The following ODAD4 variants were observed in gnomAD, a reference collection of about 807,000 sequenced individuals.
The protein encoded by ODAD4 is outer dynein arm docking complex subunit 4.
Under a neutral mutation model 51.8 loss-of-function variants are expected in ODAD4, and 49 were observed. The observed-to-expected ratio is 0.95, with a 90% CI of 0.75 to 1.20. ODAD4 has a LOEUF of 1.20. Among genes scored for constraint, ODAD4 ranks in the 50% most tolerant of loss-of-function variants. The pLI is 0.00. For missense variants in ODAD4, 590 were observed against 586.5 expected, an observed-to-expected ratio of 1.01 and a Z score of -0.06; for synonymous variants, 235 against 221.3, an observed-to-expected ratio of 1.06 and a Z score of -0.55.
intron 9 of ODAD4, among the ~76,000 whole-genome samples, chr17:41,953,450 A>T (rs1426136320): frequency 6.6e-6 from 1 of 152,060 alleles, no homozygotes; most frequent in Non-Finnish European, 1.5e-5. Flanking sequence ...TAGATCTTGG[A>T]TATACTCAAT....
At chr17:41,935,140 G>A in intron 1 of ODAD4, 77 bp from the exon 2 acceptor site, 1 of 1,578,898 alleles carries the variant, frequency 6.3e-7, no homozygotes, top group Non-Finnish European at 8.6e-7. Context: ...CTGCAGGAGG[G>A]TTTGGGCTGC....
chr17:41,944,421 CACACACACACACACACA>C (rs1567932925), intron 7 of ODAD4, among the ~76,000 whole-genome samples: 9 of 14,262 alleles, frequency 6.3e-4, no homozygotes, highest in African/African-American at 1.1e-3. Flanking sequence ...CACACACACA[CACACACACACACACACA>C]CACACACCCC....
At chr17:41,933,606 C>T (rs920683907) in intron 1 of ODAD4, among the ~76,000 whole-genome samples, 2 of 152,030 alleles carry the variant, frequency 1.3e-5, no homozygotes, top group African/African-American at 4.8e-5. Flanking sequence ...GAGCCGAGAT[C>T]GTGCCATTGC....
chr17:41,934,581 G>C (rs1191159370), intron 1 of ODAD4, among the ~76,000 whole-genome samples: 1 of 151,616 alleles, frequency 6.6e-6, no homozygotes, highest in African/African-American at 2.4e-5. Flanking sequence ...CAAACTCTTG[G>C]GCTCAAGCGT....
intron 11 of ODAD4, 27 bp from the exon 12 acceptor site, chr17:41,964,966 T>C: frequency 1.5e-6 from 1 of 679,714 alleles, no homozygotes. Flanking sequence ...CTTTTATCTT[T>C]CTTCCCGCTT....
At chr17:41,948,774 G>GGACT (rs2050619039) in intron 8 of ODAD4, among the ~76,000 whole-genome samples, 1 of 151,978 alleles carries the variant, frequency 6.6e-6, no homozygotes, top group African/African-American at 2.4e-5. Context: ...CCGAGTAGCT[G>GGACT]GACTACAGGC....
At chr17:41,936,433 G>A (rs997524701) in intron 3 of ODAD4, 40 bp from the exon 4 acceptor site, 2 of 1,479,640 alleles carry the variant, frequency 1.4e-6, no homozygotes, top group Non-Finnish European at 1.9e-6. Context: ...TCATGCCTGG[G>A]GGGTCTGGCC....
intron 8 of ODAD4, among the ~76,000 whole-genome samples, chr17:41,948,925 C>T (rs2050621014): frequency 6.6e-6 from 1 of 152,126 alleles, no homozygotes; most frequent in Non-Finnish European, 1.5e-5. Context: ...CATGAGCCAC[C>T]ACGCCAGCCT....
chr17:41,935,248 G>A lies in ODAD4; in HGVS notation c.146G>A (p.Cys49Tyr), dbSNP rs1555637527. The change falls in exon 2 of 12, where the codon TGC becomes TAC. Residue 49 changes from cysteine (C) to tyrosine (Y), a missense_variant. Cys to Tyr is a radical substitution (Grantham distance 194). Around this residue, in one of 3 missense-constraint regions of ODAD4, gnomAD observed 360 missense variants for 407.5 expected, o/e 0.88. Transcript: ENST00000377540. ...TACCTTCAGGATGGAGACAAGAACT[G>A]CCTGGTTGCTCGCTCAAAGTGCTTC... ...ALYLQDGDKN[C>Y]LVARSKCFLK... The A allele has an allele frequency of 6.2e-7, 1 of 1,613,978 alleles. No homozygotes were observed.
At chr17:41,961,050 C>A (rs1444787328) in intron 10 of ODAD4, among the ~76,000 whole-genome samples, 1 of 152,174 alleles carries the variant, frequency 6.6e-6, no homozygotes, top group African/African-American at 2.4e-5. Context: ...TTTGGATTGT[C>A]TTTTTGCATT....
chr17:41,935,119 A>C (rs2013389484), intron 1 of ODAD4, 98 bp from the exon 2 acceptor site: 1 of 1,425,746 alleles, frequency 7.0e-7, no homozygotes. Context: ...CAGAGCCTGA[A>C]GAAATCCCCT....
At chr17:41,955,338 G>C in intron 10 of ODAD4, 21 bp downstream of exon 10, 1 of 762,254 alleles carries the variant, frequency 1.3e-6, no homozygotes, top group South Asian at 1.4e-5. Flanking sequence ...CCACCCGCCG[G>C]GCTTCGGGTG....
chr17:41,947,360 C>T (rs2050602773), intron 8 of ODAD4, among the ~76,000 whole-genome samples: 14 of 151,632 alleles, frequency 9.2e-5, no homozygotes, highest in African/African-American at 2.9e-4. Flanking sequence ...TGGCGTGCAC[C>T]TGTAATCCCA....
At chr17:41,962,173 G>A (rs370885259) in intron 11 of ODAD4, among the ~76,000 whole-genome samples, 45 of 152,270 alleles carry the variant, frequency 3.0e-4, no homozygotes, top group East Asian at 1.5e-3. Context: ...AGGTGCTGTG[G>A]GGGGAAAGGG....
chr17:41,962,466 C>T (rs1413941579), intron 11 of ODAD4, among the ~76,000 whole-genome samples: 10 of 152,148 alleles, frequency 6.6e-5, no homozygotes, highest in African/African-American at 2.2e-4. Flanking sequence ...AGCAGCCCTA[C>T]CCCACTGGAG....
chr17:41,959,378 C>A (rs1401068670), intron 10 of ODAD4, among the ~76,000 whole-genome samples: 1 of 152,224 alleles, frequency 6.6e-6, no homozygotes, highest in Non-Finnish European at 1.5e-5. Flanking sequence ...GTAAACGGGG[C>A]CCCTGTCCTT....
chr17:41,938,450 C>A, intron 5 of ODAD4, 107 bp from the exon 6 acceptor site: 1 of 877,064 alleles, frequency 1.1e-6, no homozygotes, highest in South Asian at 1.6e-5. Flanking sequence ...CAACTCCAAG[C>A]AGAGCAAGTT....
At chr17:41,955,466 T>C (rs782104686) in intron 10 of ODAD4, 149 bp downstream of exon 10, 42 of 585,608 alleles carry the variant, frequency 7.2e-5, no homozygotes, top group Middle Eastern at 4.6e-4. Context: ...CTTGCTCTGT[T>C]GCCCAGGCTG....
chr17:41,948,050 G>A lies in ODAD4; in HGVS notation c.1146-1103G>A, dbSNP rs2050610466. On this transcript the variant is annotated intron_variant, in intron 8 of 11. Transcript: ENST00000377540. ...GGAGAATCACTTGAACCCGGGAGGT[G>A]GAGGTTGCAGTGAGCAGAGATCTTG... Among the ~76,000 whole-genome samples, 3 of 152,058 alleles carry A rather than the reference G, an allele frequency of 2.0e-5. No individual in the cohort carries two copies. In the South Asian group the frequency reaches 6.2e-4, roughly 31 times the overall value.
Sources: gnomAD v4.1 joint callset for allele counts (sites outside exome capture counted in the v4.1 genomes callset) on GRCh38, gnomAD v4.1.1 for gene constraint, gnomAD v4.1.1 regional missense constraint, MANE v1.5 for transcripts, NCBI Gene and HGNC (gene_info 2026-07-23, HGNC 2026-07-21) for gene names.